The following PCDHGA2 variants were observed in gnomAD, a reference collection of about 807,000 sequenced individuals.
PCDHGA2 encodes protocadherin gamma subfamily A, 2.
In PCDHGA2, 40 loss-of-function variants were observed where a neutral mutation model predicts 59.2. The observed-to-expected ratio is 0.68, with a 90% confidence interval of 0.52 to 0.88. The LOEUF is 0.88. PCDHGA2 is among the 40% of genes least tolerant of loss of function. The pLI, the probability that PCDHGA2 is intolerant of heterozygous loss-of-function variation, is 0.00. For missense variants in PCDHGA2, 1,226 were observed against 1,204.0 expected (o/e 1.02, Z -0.27); for synonymous variants, 560 against 526.0 (o/e 1.06, Z -0.89).
Position 141,491,670 on chromosome 5 carries a change from C to T in PCDHGA2, c.2425-3137C>T. The T allele has an allele frequency of 2.5e-6, 4 of 1,613,768 alleles. No individual in the cohort carries two copies. Among genetic ancestry groups the T allele is most frequent in the South Asian group, 1.1e-5 (1 of 91,082 alleles). On this transcript the variant is annotated intron_variant, in intron 1 of 3. Coordinates refer to ENST00000394576, the MANE Select transcript of PCDHGA2 (RefSeq NM_018915.4). The surrounding 1 kb of genome is among the most constrained non-coding windows in gnomAD (Gnocchi z 6.9). ...CGCTGGAGCCTGACGCCATCCGGTC[C>T]CGCTCTAATACGCTGCGGGAGCGGA...
chr5:141,369,925 G>C (rs376465013), intron 1 of PCDHGA2, among the ~76,000 whole-genome samples: 2 of 152,186 alleles, frequency 1.3e-5, no homozygotes, highest in African/African-American at 2.4e-5. Flanking sequence ...AACTAAAAAC[G>C]TGACGGGATT....
At position 141,432,781 on chromosome 5, in the gene PCDHGA2, C is replaced by T. The variant is rs761954375; in HGVS notation, c.2425-62026C>T. On this transcript the variant is annotated intron_variant, in intron 1 of 3. Coordinates refer to ENST00000394576, the MANE Select transcript of PCDHGA2 (RefSeq NM_018915.4). This position sits in a 1 kb window ranked among gnomAD's most constrained non-coding sequence, Gnocchi z 6.0. ...ACAGCATCCCCCAAGTCCTGGCGGA[C>T]CTCGGCAGCCTCGAGTCTCCAGCTA... The T allele has an allele frequency of 3.1e-6, 5 of 1,614,064 alleles. No homozygotes were observed. The Admixed American group carries it at 8.3e-5, about 27-fold the overall frequency.
Position 141,489,363 on chromosome 5 carries a change from G to A in PCDHGA2, c.2425-5444G>A, listed in dbSNP as rs767837736. On this transcript the variant is annotated intron_variant, in intron 1 of 3. Transcript: ENST00000394576. This position sits in a 1 kb window ranked among gnomAD's most constrained non-coding sequence, Gnocchi z 4.5. ...ACTCAGTGGTGGAGGAGTCTGAGCC[G>A]GGGACGCTGGTGGGGAATGTTGCTC... 46 of 1,613,114 alleles carry A rather than the reference G, an allele frequency of 2.9e-5. 1 individual carries two copies. In the South Asian group the frequency reaches 3.4e-4, roughly 12 times the overall value.
At position 141,432,395 on chromosome 5, in the gene PCDHGA2, G is replaced by A; in HGVS notation, c.2425-62412G>A. 6.2e-7 allele frequency: 1 copy of A among 1,614,240 alleles called. No individual in the cohort carries two copies. ...CGGGCACCCGCCCCTCAGCAGCAAC[G>A]TGTCGTTGAGCCTGTTCGTGCTGGA... On this transcript the variant is annotated intron_variant, in intron 1 of 3. Coordinates refer to ENST00000394576, the MANE Select transcript of PCDHGA2 (RefSeq NM_018915.4). This position sits in a 1 kb window ranked among gnomAD's most constrained non-coding sequence, Gnocchi z 6.0.
At chr5:141,385,020 C>A (rs1780771634) in intron 1 of PCDHGA2, 7 of 1,614,168 alleles carry the variant, frequency 4.3e-6, no homozygotes, top group Non-Finnish European at 5.9e-6. Flanking sequence ...TCCTAGCCTT[C>A]GTCCTCGTAC....
At chr5:141,478,322 C>G (rs1360535508) in intron 1 of PCDHGA2, 28 of 1,613,976 alleles carry the variant, frequency 1.7e-5, no homozygotes, top group Non-Finnish European at 2.3e-5. Context: ...CTCACTGTAC[C>G]GAACACCAGG....
At chr5:141,406,072 CT>C (rs530474569) in intron 1 of PCDHGA2, among the ~76,000 whole-genome samples, 16,756 of 141,280 alleles carry the variant, frequency 0.12, 1,110 homozygotes, top group African/African-American at 0.2. Flanking sequence ...ATTCTTACTC[CT>C]TTTTTTTTTT....
At chr5:141,347,276 C>T (rs1757945210) in intron 1 of PCDHGA2, among the ~76,000 whole-genome samples, 2 of 151,902 alleles carry the variant, frequency 1.3e-5, no homozygotes, top group East Asian at 1.9e-4. Context: ...ACCTCAGCCT[C>T]CCGAGTAGCT....
Position 141,432,917 on chromosome 5 carries a change from C to A in PCDHGA2, c.2425-61890C>A. 6.2e-7 allele frequency: 1 copy of A among 1,614,166 alleles called. No homozygotes were observed. Among genetic ancestry groups the A allele is most frequent in the South Asian group, 1.1e-5 (1 of 91,086 alleles). On this transcript the variant is annotated intron_variant, in intron 1 of 3. Transcript: ENST00000394576. This position sits in a 1 kb window ranked among gnomAD's most constrained non-coding sequence, Gnocchi z 6.0. The stretch of plus-strand genomic sequence containing the variant: ...GCTGGCGCTCAGGCTGCGGCGCTGG[C>A]ACAAGTCACGCCTGCTGCAGGCTTC...
intron 1 of PCDHGA2, chr5:141,415,810 T>C: frequency 7.4e-7 from 1 of 1,360,418 alleles, no homozygotes; most frequent in Non-Finnish European, 9.5e-7. Context: ...AATCAAGGCC[T>C]ATATATCATA....
intron 1 of PCDHGA2, chr5:141,394,860 G>C (rs750446579): frequency 5.0e-6 from 8 of 1,613,674 alleles, no homozygotes; most frequent in Non-Finnish European, 5.9e-6. Flanking sequence ...GCCTTCGGTC[G>C]ACCCGAACGA....
intron 1 of PCDHGA2, chr5:141,399,681 C>A (rs2093865042): frequency 1.2e-6 from 2 of 1,613,408 alleles, no homozygotes; most frequent in Non-Finnish European, 1.7e-6. Flanking sequence ...CCTTTGACTA[C>A]GAGCAGCTGC....
At chr5:141,475,934 G>T in intron 1 of PCDHGA2, 1 of 665,236 alleles carries the variant, frequency 1.5e-6, no homozygotes, top group Non-Finnish European at 2.5e-6. Context: ...TCGGGCCCCT[G>T]CCCGTCCCCT....
chr5:141,443,656 A>T (rs139300845), intron 1 of PCDHGA2, among the ~76,000 whole-genome samples: 1 of 152,256 alleles, frequency 6.6e-6, no homozygotes, highest in African/African-American at 2.4e-5. Flanking sequence ...TTAGCATAGC[A>T]TTTTACTGAA....
At chr5:141,388,261 T>C in intron 1 of PCDHGA2, 1 of 1,611,348 alleles carries the variant, frequency 6.2e-7, no homozygotes. Flanking sequence ...ATCGAGGACA[T>C]TAATGACCAC....
At chr5:141,421,017 T>TGC (rs1489188484) in intron 1 of PCDHGA2, 1 of 518,776 alleles carries the variant, frequency 1.9e-6, no homozygotes, top group African/African-American at 2.0e-5. Flanking sequence ...AATGGGAAGC[T>TGC]GCGCGCCATT....
chr5:141,418,151 G>T, intron 1 of PCDHGA2: 1 of 1,614,108 alleles, frequency 6.2e-7, no homozygotes, highest in Non-Finnish European at 8.5e-7. Flanking sequence ...AATATGCAAA[G>T]AGAGAAGAAG....
intron 1 of PCDHGA2, chr5:141,374,742 C>A (rs1382250910): frequency 1.2e-6 from 2 of 1,611,728 alleles, no homozygotes; most frequent in African/African-American, 1.3e-5. Flanking sequence ...GGCGGCGACC[C>A]TGTCCGCTCA....
At chr5:141,405,830 G>A (rs1214599375) in intron 1 of PCDHGA2, among the ~76,000 whole-genome samples, 3 of 152,148 alleles carry the variant, frequency 2.0e-5, no homozygotes, top group East Asian at 1.9e-4. Flanking sequence ...ACTTAAGGTA[G>A]TATAAGTTGA....
Sources: allele counts gnomAD v4.1 joint callset (sites outside exome capture counted in the v4.1 genomes callset), GRCh38; gene constraint gnomAD v4.1.1; non-coding constraint Gnocchi (gnomAD v3.1); transcripts MANE v1.5; gene names NCBI Gene and HGNC (gene_info 2026-07-23, HGNC 2026-07-21).